The following DPYD variants were observed in gnomAD, a reference collection of about 807,000 sequenced individuals.
DPYD encodes dihydropyrimidine dehydrogenase, also known as dihydropyrimidine dehydrogenase [NADP(+)].
Under a neutral mutation model 116.2 loss-of-function variants are expected in DPYD, and 109 were observed. The observed-to-expected ratio is 0.94, with a 90% CI of 0.80 to 1.10. The LOEUF (loss-of-function observed/expected upper bound fraction) is 1.10. Ranked by LOEUF, DPYD falls within the 50% of genes least tolerant of loss-of-function variation. The pLI, the probability that DPYD is intolerant of heterozygous loss-of-function variation, is 0.00. For synonymous variants in DPYD, 440 were observed against 432.0 expected, an observed-to-expected ratio of 1.02 and a Z score of -0.23; for missense variants, 1,302 against 1,254.5, an observed-to-expected ratio of 1.04 and a Z score of -0.57.
chr1:97,531,142 T>C (rs1472341269), intron 12 of DPYD, among the ~76,000 whole-genome samples: 3 of 152,220 alleles, frequency 2.0e-5, no homozygotes, highest in Non-Finnish European at 4.4e-5. Flanking sequence ...AATCTCCTTT[T>C]GCTTTTGTTG....
intron 3 of DPYD, among the ~76,000 whole-genome samples, chr1:97,807,721 T>A (rs1375654732): frequency 1.3e-5 from 2 of 152,146 alleles, no homozygotes; most frequent in African/African-American, 4.8e-5. Flanking sequence ...CCAAATCCAA[T>A]AACATCTATA....
intron 8 of DPYD, among the ~76,000 whole-genome samples, chr1:97,604,352 T>C (rs1490496927): frequency 1.3e-5 from 2 of 152,122 alleles, no homozygotes; most frequent in Non-Finnish European, 2.9e-5. Flanking sequence ...ATAAAATAGC[T>C]CTGTCATACT....
intron 8 of DPYD, among the ~76,000 whole-genome samples, chr1:97,620,841 A>T (rs1656590862): frequency 6.6e-6 from 1 of 152,122 alleles, no homozygotes; most frequent in South Asian, 2.1e-4. Flanking sequence ...TTTAATTTAA[A>T]AAATCAGCTT....
At chr1:97,704,681 A>G (rs1661804451) in intron 5 of DPYD, among the ~76,000 whole-genome samples, 1 of 152,034 alleles carries the variant, frequency 6.6e-6, no homozygotes, top group Non-Finnish European at 1.5e-5. Context: ...CTTAGAATAT[A>G]GTTCCCTATT....
At chr1:97,617,530 G>C (rs1296726587) in intron 8 of DPYD, among the ~76,000 whole-genome samples, 1 of 152,072 alleles carries the variant, frequency 6.6e-6, no homozygotes, top group Non-Finnish European at 1.5e-5. Flanking sequence ...GTGGTCTCTA[G>C]GTCCAGTGAA....
Position 97,881,408 on chromosome 1 carries a change from A to C in DPYD, c.150+1856T>G, listed in dbSNP as rs145729290. 3.5e-3 allele frequency among the ~76,000 whole-genome samples: 531 copies of C among 152,084 alleles called. 2 individuals carry two copies. The highest frequency in any genetic ancestry group is 0.012 in the African/African-American group (496 of 41,534). The stretch of plus-strand genomic sequence containing the variant: ...TAAGTCTCTGTTGTTTAAGCCACCT[A>C]GTCTGTGGTATCTTCTTGTAGCATC... On this transcript the variant is annotated intron_variant, in intron 2 of 22. Coordinates refer to ENST00000370192, the MANE Select transcript of DPYD (RefSeq NM_000110.4).
intron 2 of DPYD, among the ~76,000 whole-genome samples, chr1:97,837,134 T>C (rs1669807398): frequency 6.6e-6 from 1 of 152,136 alleles, no homozygotes; most frequent in Non-Finnish European, 1.5e-5. Context: ...CATGAATTTG[T>C]ATCAAAAAGA....
In DPYD at chr1:97,699,537, G is replaced by A. The variant is rs2100972469; in HGVS notation, c.494C>T (p.Ala165Val). 1 of 1,613,434 alleles carries A rather than the reference G, an allele frequency of 6.2e-7. No homozygotes were observed. Residue 165 changes from alanine (A) to valine (V), a missense_variant, in exon 6 of 23, where the codon GCA becomes GTA. Transcript: ENST00000370192. ...LQQFATEVFK[A>V]MSIPQIRNPS... ...ATTTCTGATCTGTGGGATACTCATTGCTTTGAATACCTACGGGGAAATCAA... is the reference window on the plus strand; with the variant it reads ...ATTTCTGATCTGTGGGATACTCATTACTTTGAATACCTACGGGGAAATCAA...
At chr1:97,716,924 T>G (rs1316842167) in intron 5 of DPYD, among the ~76,000 whole-genome samples, 1 of 151,974 alleles carries the variant, frequency 6.6e-6, no homozygotes, top group East Asian at 1.9e-4. Flanking sequence ...AAATTCAATT[T>G]TTTATTTTTT....
At chr1:97,109,970 C>G (rs1651473573) in intron 20 of DPYD, among the ~76,000 whole-genome samples, 2 of 152,062 alleles carry the variant, frequency 1.3e-5, no homozygotes, top group Non-Finnish European at 2.9e-5. Flanking sequence ...CTTCTCCATG[C>G]AGCTACAGAA....
chr1:97,682,201 G>T (rs951478361), intron 7 of DPYD, among the ~76,000 whole-genome samples: 11 of 152,014 alleles, frequency 7.2e-5, no homozygotes, highest in Non-Finnish European at 7.4e-5. Context: ...ATAGAAAACA[G>T]TTGAGTTTTC....
intron 8 of DPYD, among the ~76,000 whole-genome samples, chr1:97,653,171 T>C (rs1157980051): frequency 6.6e-6 from 1 of 152,188 alleles, no homozygotes; most frequent in Non-Finnish European, 1.5e-5. Context: ...TATGCCTAAA[T>C]TCTTTACCGA....
chr1:97,588,214 GACAA>G (rs1033917808), intron 10 of DPYD, among the ~76,000 whole-genome samples: 8 of 152,232 alleles, frequency 5.3e-5, no homozygotes, highest in African/African-American at 9.6e-5. Flanking sequence ...TTACCATTTT[GACAA>G]ACAAACAAAG....
intron 12 of DPYD, among the ~76,000 whole-genome samples, chr1:97,516,832 C>G (rs1421395619): frequency 6.6e-6 from 1 of 151,960 alleles, no homozygotes; most frequent in Non-Finnish European, 1.5e-5. Context: ...CCATTCCTCC[C>G]TCCCCTTCTC....
At chr1:97,621,762 C>T (rs1341720852) in intron 8 of DPYD, among the ~76,000 whole-genome samples, 3 of 151,832 alleles carry the variant, frequency 2.0e-5, no homozygotes, top group Admixed American at 1.3e-4. Context: ...AGGAAATATA[C>T]AAGATAAGCC....
chr1:97,897,417 C>T (rs371917650), intron 1 of DPYD, among the ~76,000 whole-genome samples: 53 of 151,928 alleles, frequency 3.5e-4, no homozygotes, highest in African/African-American at 1.2e-3. Context: ...CACTGGGCTT[C>T]TTGGATTTAC....
chr1:97,445,504 A>G (rs1313166866), intron 14 of DPYD, among the ~76,000 whole-genome samples: 1 of 152,108 alleles, frequency 6.6e-6, no homozygotes, highest in Admixed American at 6.5e-5. Flanking sequence ...CTTCTCCCAT[A>G]ACCTAATATG....
intron 20 of DPYD, among the ~76,000 whole-genome samples, chr1:97,140,646 G>C (rs886901965): frequency 3.3e-5 from 5 of 152,134 alleles, no homozygotes; most frequent in African/African-American, 1.2e-4. Flanking sequence ...GGGAGAGGGA[G>C]GCAGAAGATA....
At chr1:97,390,383 A>G (rs887885347) in intron 14 of DPYD, among the ~76,000 whole-genome samples, 2 of 152,066 alleles carry the variant, frequency 1.3e-5, no homozygotes, top group Non-Finnish European at 1.5e-5. Flanking sequence ...GAGACATTTG[A>G]TTTTCAAAGA....
Sources: gnomAD v4.1 joint callset for allele counts (sites outside exome capture counted in the v4.1 genomes callset) on GRCh38, gnomAD v4.1.1 for gene constraint, MANE v1.5 for transcripts, NCBI Gene and HGNC (gene_info 2026-07-23, HGNC 2026-07-21) for gene names.